Variants in RPS6KA2 observed in about 807,000 individuals in gnomAD.
RPS6KA2 encodes ribosomal protein S6 kinase A2, also known as ribosomal protein S6 kinase alpha-2.
A neutral mutation model predicts 91.8 loss-of-function variants in RPS6KA2; 42 were observed. The observed-to-expected ratio is 0.46, with a 90% CI of 0.36 to 0.59. The LOEUF is 0.59. RPS6KA2 is among the 20% of genes least tolerant of loss of function. The pLI is 0.00. For synonymous variants in RPS6KA2, 414 were observed against 393.6 expected, an observed-to-expected ratio of 1.05 and a Z score of -0.61; for missense variants, 798 against 978.5, an observed-to-expected ratio of 0.82 and a Z score of 2.46.
chr6:166,653,632 G>A (rs1787925095), intron 2 of RPS6KA2, among the ~76,000 whole-genome samples: 2 of 152,284 alleles, frequency 1.3e-5, no homozygotes, highest in Middle Eastern at 6.8e-3. Flanking sequence ...GATAAAAATA[G>A]CTAATAGCAT....
intron 2 of RPS6KA2, among the ~76,000 whole-genome samples, chr6:166,669,668 C>T (rs770976428): frequency 3.9e-4 from 59 of 152,352 alleles, no homozygotes; most frequent in Non-Finnish European, 6.8e-4. Flanking sequence ...ATCCCTGCTC[C>T]TCCCCATCCC....
At chr6:166,506,881 C>T (rs1032276069) in intron 5 of RPS6KA2, among the ~76,000 whole-genome samples, 8 of 152,118 alleles carry the variant, frequency 5.3e-5, no homozygotes, top group Admixed American at 2.0e-4. Flanking sequence ...ATCGTCAGAA[C>T]GGAAAGCCCG....
chr6:166,457,973 C>T (rs749183740), intron 12 of RPS6KA2, among the ~76,000 whole-genome samples: 6 of 152,222 alleles, frequency 3.9e-5, no homozygotes, highest in Admixed American at 6.5e-5. Context: ...GCCTGGCCAA[C>T]CACCAGCTCC....
chr6:166,541,815 G>C (rs1254277664), intron 1 of RPS6KA2, among the ~76,000 whole-genome samples: 1 of 152,164 alleles, frequency 6.6e-6, no homozygotes, highest in African/African-American at 2.4e-5. Context: ...AAAGTATTGA[G>C]AGCAAATGTA....
chr6:166,766,991 C>T (rs1309671710), intron 2 of RPS6KA2, among the ~76,000 whole-genome samples: 2 of 152,202 alleles, frequency 1.3e-5, no homozygotes, highest in Non-Finnish European at 2.9e-5. Flanking sequence ...AAGAATGTGC[C>T]TCCCCACCCC....
At chr6:166,834,505 T>C (rs934218624) in intron 2 of RPS6KA2, among the ~76,000 whole-genome samples, 3 of 152,114 alleles carry the variant, frequency 2.0e-5, no homozygotes, top group Admixed American at 6.5e-5. Context: ...GAAAAAAATA[T>C]TGGGTACTAT....
At chr6:166,506,121 C>G (rs981040908) in intron 5 of RPS6KA2, among the ~76,000 whole-genome samples, 1 of 152,192 alleles carries the variant, frequency 6.6e-6, no homozygotes, top group Non-Finnish European at 1.5e-5. Flanking sequence ...AAGGTGAGTT[C>G]TGCAGGTTCG....
chr6:166,435,642 C>T lies in RPS6KA2; in HGVS notation c.1333-3152G>A, dbSNP rs1779268966. 1.3e-5 allele frequency among the ~76,000 whole-genome samples: 2 copies of T among 152,228 alleles called. No homozygotes were observed. Among genetic ancestry groups the T allele is most frequent in the South Asian group, 2.1e-4 (1 of 4,832 alleles). ...TCTGGAGGAGACTCCAAGGGGCCCA[C>T]GAGTGCTGCTGTTTCTCACCACAGG... is the stretch of plus-strand genomic sequence containing the variant. On this transcript the variant is annotated intron_variant, in intron 14 of 20. Coordinates refer to ENST00000265678, the MANE Select transcript of RPS6KA2 (RefSeq NM_021135.6). This position sits in a 1 kb window ranked among gnomAD's most constrained non-coding sequence, Gnocchi z 4.3.
chr6:166,430,314 A>T, intron 16 of RPS6KA2, 139 bp downstream of exon 16: 1 of 817,926 alleles, frequency 1.2e-6, no homozygotes. Context: ...GCCTCCAGAC[A>T]CAAGAGAGAC....
At chr6:166,481,675 T>TA (rs1411631309) in intron 10 of RPS6KA2, among the ~76,000 whole-genome samples, 5 of 151,644 alleles carry the variant, frequency 3.3e-5, no homozygotes, top group South Asian at 2.1e-4. Flanking sequence ...TGATAGATCT[T>TA]AAAGTATGTG....
At chr6:166,502,476 T>A (rs1782059241) in intron 6 of RPS6KA2, among the ~76,000 whole-genome samples, 2 of 152,198 alleles carry the variant, frequency 1.3e-5, no homozygotes, top group South Asian at 4.1e-4. Context: ...TATTTTTAGC[T>A]GTAAGGATCA....
In RPS6KA2 at chr6:166,673,863, A is replaced by G. The variant is rs1788547710; in HGVS notation, c.124-135079T>C. On this transcript the variant is annotated intron_variant, in intron 2 of 21. Transcript: ENST00000503859. ...CCAAAGCATCCAAAATTTCCTTACC[A>G]TTTGCTGTTAAAAATAGCTTTGATT... is the stretch of plus-strand genomic sequence containing the variant. 2.0e-5 allele frequency among the ~76,000 whole-genome samples: 3 copies of G among 152,202 alleles called. No individual in the cohort carries two copies. The South Asian group carries it at 6.2e-4, about 32-fold the overall frequency.
At chr6:166,714,589 A>C (rs1278558557) in intron 2 of RPS6KA2, among the ~76,000 whole-genome samples, 4 of 152,240 alleles carry the variant, frequency 2.6e-5, no homozygotes, top group African/African-American at 7.2e-5. Flanking sequence ...ACAGAGACGC[A>C]CAGAGGGAAG....
chr6:166,550,918 T>G (rs548006793), intron 1 of RPS6KA2, among the ~76,000 whole-genome samples: 54 of 146,384 alleles, frequency 3.7e-4, no homozygotes, highest in Admixed American at 2.5e-3. Flanking sequence ...GCGGAATCGC[T>G]TGAACCTGGG....
intron 11 of RPS6KA2, 58 bp downstream of exon 11, chr6:166,469,783 C>A: frequency 1.4e-6 from 2 of 1,468,186 alleles, no homozygotes; most frequent in Non-Finnish European, 1.9e-6. Flanking sequence ...GCCGTATGTT[C>A]CCTCCACCCA....
rs939410542 is a variant in RPS6KA2, at chr6:166,413,683, A to G, written c.2076+111T>C. The stretch of plus-strand genomic sequence containing the variant: ...GCCGGCGGTGCAGTTTGGGGCTGCT[A>G]TGGGCTCTTTCTCTGCACTCTGTGG... On this transcript the variant is annotated intron_variant, in intron 20 of 20. Coordinates refer to ENST00000265678, the MANE Select transcript of RPS6KA2 (RefSeq NM_021135.6). 15 of 1,166,864 alleles carry G rather than the reference A, an allele frequency of 1.3e-5. 1 individual carries two copies. In the African/African-American group the frequency reaches 1.5e-4, roughly 12 times the overall value. The allele number at this position is 1,166,864 out of a possible 1,614,324, so 72.3% of individuals were successfully genotyped here. A position where few individuals can be genotyped will look rare whatever the true frequency, so the allele number is the denominator to read the frequency against.
At chr6:166,643,410 G>T (rs9356500) in intron 2 of RPS6KA2, among the ~76,000 whole-genome samples, 27,618 of 152,038 alleles carry the variant, frequency 0.18, 2,851 homozygotes, top group African/African-American at 0.28. Flanking sequence ...AAAAACTAAT[G>T]AAAAGAAGTA....
rs534730007 is a variant in RPS6KA2 at position 166,712,613 on chromosome 6, C to T, written c.123+145587G>A. Among the ~76,000 whole-genome samples, 23 of 152,258 alleles carry T rather than the reference C, an allele frequency of 1.5e-4. 1 individual carries two copies. In the South Asian group the frequency reaches 4.6e-3, roughly 30 times the overall value. On this transcript the variant is annotated intron_variant, in intron 2 of 21. Transcript: ENST00000503859. ...GGGCTGTGGCAGCCTGGGGAGAGTG[C>T]CATGCACCTGCAGAAGTAGTGTGAG... is the stretch of plus-strand genomic sequence containing the variant.
intron 2 of RPS6KA2, among the ~76,000 whole-genome samples, chr6:166,771,955 T>G (rs115081121): frequency 0.032 from 4,807 of 152,224 alleles, 262 homozygotes; most frequent in African/African-American, 0.11. Flanking sequence ...AGCCTACACC[T>G]CCTCTGTCCT....
Sources: allele counts gnomAD v4.1 joint callset (sites outside exome capture counted in the v4.1 genomes callset), GRCh38; gene constraint gnomAD v4.1.1; non-coding constraint Gnocchi (gnomAD v3.1); transcripts MANE v1.5; gene names NCBI Gene and HGNC (gene_info 2026-07-23, HGNC 2026-07-21).